Variants in STS observed in about 807,000 individuals in gnomAD.
The protein encoded by STS is steroid sulfatase.
STS carries 7 observed loss-of-function variants against 26.8 expected under a neutral mutation model. The ratio of observed to expected loss-of-function variants is 0.26; its 90% CI spans 0.15 to 0.49. The LOEUF is 0.49. Ranked by LOEUF, STS falls within the 20% of genes least tolerant of loss-of-function variation. The pLI, the probability that STS is intolerant of heterozygous loss-of-function variation, is 0.98. For missense variants in STS, 434 were observed against 465.6 expected, an observed-to-expected ratio of 0.93 and a Z score of 0.63; for synonymous variants, 199 against 189.4, an observed-to-expected ratio of 1.05 and a Z score of -0.42.
intron 2 of STS, among the ~76,000 whole-genome samples, chrX:7,203,849 G>C (rs1934123424): frequency 9.0e-6 from 1 of 111,462 alleles, no homozygotes; most frequent in South Asian, 3.8e-4. Flanking sequence ...CGATGGCACA[G>C]TCATAGCTCA....
intron 10 of STS, among the ~76,000 whole-genome samples, chrX:7,337,389 C>T (rs1362507242): frequency 4.5e-5 from 5 of 111,614 alleles, no homozygotes; most frequent in East Asian, 5.7e-4. Flanking sequence ...TACAGGGATG[C>T]GTAAGGAAAA....
intron 9 of STS, among the ~76,000 whole-genome samples, chrX:7,333,066 A>G (rs1462789176): frequency 1.8e-5 from 2 of 112,149 alleles, no homozygotes; most frequent in Non-Finnish European, 3.8e-5. Flanking sequence ...ACTTACCAAA[A>G]TTGTACAGCC....
At chrX:7,304,343 GTTA>G (rs1224739124) in intron 7 of STS, among the ~76,000 whole-genome samples, 1 of 111,418 alleles carries the variant, frequency 9.0e-6, no homozygotes, top group East Asian at 2.8e-4. Context: ...AGCAATTATT[GTTA>G]TTATTATTGT....
intron 2 of STS, among the ~76,000 whole-genome samples, chrX:7,240,533 G>GTGTATATA (rs1373072915): frequency 5.8e-4 from 35 of 60,526 alleles, no homozygotes; most frequent in African/African-American, 2.1e-3. Context: ...GTGTGTGTGT[G>GTGTATATA]TATATATATA....
intron 2 of STS, among the ~76,000 whole-genome samples, chrX:7,236,397 T>C (rs1370674649): frequency 8.9e-6 from 1 of 112,338 alleles, no homozygotes; most frequent in African/African-American, 3.2e-5. Context: ...TTAGAAGTTA[T>C]GGTAATTTTA....
chrX:7,215,558 G>A (rs144452392), intron 2 of STS, among the ~76,000 whole-genome samples: 2,068 of 111,008 alleles, frequency 0.019, 19 homozygotes, highest in Middle Eastern at 0.069. Context: ...TGTTATCCCT[G>A]GAACCCCTCT....
intron 1 of STS, among the ~76,000 whole-genome samples, chrX:7,156,396 T>TAAACC: frequency 9.0e-6 from 1 of 111,081 alleles, no homozygotes; most frequent in South Asian, 3.8e-4. Flanking sequence ...GTTTGAGAGT[T>TAAACC]GTTTAATAGG....
At chrX:7,252,468 C>T (rs545883478) in intron 2 of STS, 5 of 148,956 alleles carry the variant, frequency 3.4e-5, no homozygotes, top group East Asian at 2.7e-4. Flanking sequence ...ACATAAGCTC[C>T]GGTTCTAAAT....
chrX:7,213,851 G>T (rs181825524), intron 2 of STS, among the ~76,000 whole-genome samples: 5 of 110,967 alleles, frequency 4.5e-5, no homozygotes, highest in African/African-American at 1.6e-4. Context: ...GGAGGTCAGG[G>T]AAGGAGGATC....
At chrX:7,182,601 G>A (rs1413065723) in intron 1 of STS, among the ~76,000 whole-genome samples, 5 of 111,127 alleles carry the variant, frequency 4.5e-5, no homozygotes, top group African/African-American at 1.6e-4. Flanking sequence ...CGCATGGATT[G>A]TATAAGGTCC....
intron 7 of STS, among the ~76,000 whole-genome samples, chrX:7,300,962 G>A (rs894416779): frequency 1.2e-4 from 13 of 111,299 alleles, no homozygotes; most frequent in Non-Finnish European, 2.3e-4. Context: ...AGGAGAAGCT[G>A]TAAGTAGGAT....
At chrX:7,204,701 T>A (rs948048251) in intron 2 of STS, among the ~76,000 whole-genome samples, 2 of 102,883 alleles carry the variant, frequency 1.9e-5, no homozygotes, top group Non-Finnish European at 4.0e-5. Context: ...TCTCTCTCCT[T>A]CTTTCATTCC....
At chrX:7,221,038 T>TA (rs751129647) in intron 2 of STS, among the ~76,000 whole-genome samples, 1 of 112,114 alleles carries the variant, frequency 8.9e-6, no homozygotes, top group South Asian at 3.7e-4. Context: ...TACACCAAAC[T>TA]AGTATTAACT....
At chrX:7,305,377 T>A (rs1381285630) in intron 8 of STS, among the ~76,000 whole-genome samples, 194 bp downstream of exon 8, 4 of 112,388 alleles carry the variant, frequency 3.6e-5, no homozygotes, top group African/African-American at 1.3e-4. Flanking sequence ...AGCCCACATC[T>A]TGTGTCAAGA....
chrX:7,350,122 C>T lies in STS; in HGVS notation c.1598C>T (p.Thr533Ile). ...KVMQEAADRHTQTLPEVPDQF... is the reference protein window; with the variant it reads ...KVMQEAADRHIQTLPEVPDQF... ...ATGCAGGAAGCTGCGGACAGACACA[C>T]CCAGACCCTGCCAGAGGTGCCCGAT... Residue 533 changes from threonine (T) to isoleucine (I), a missense_variant, in exon 11 of 11, where the codon ACC becomes ATC. Coordinates refer to ENST00000674429, the MANE Select transcript of STS (RefSeq NM_001320752.2). 1 of 1,212,169 alleles carries T rather than the reference C, an allele frequency of 8.2e-7. No homozygotes were observed. Among genetic ancestry groups the T allele is most frequent in the Non-Finnish European group, 1.1e-6 (1 of 895,509 alleles).
chrX:7,245,484 A>T (rs986941635), intron 2 of STS, among the ~76,000 whole-genome samples: 3 of 112,120 alleles, frequency 2.7e-5, no homozygotes, highest in Non-Finnish European at 5.6e-5. Context: ...TCTACAGTCT[A>T]ATTAGGAAGG....
intron 3 of STS, among the ~76,000 whole-genome samples, chrX:7,256,396 A>G (rs967655286): frequency 2.4e-4 from 27 of 111,610 alleles, no homozygotes; most frequent in African/African-American, 6.5e-5. Context: ...TCTTCACTGT[A>G]GTGTTTGTGC....
chrX:7,219,583 TG>T, intron 2 of STS: 1 of 1,209,875 alleles, frequency 8.3e-7, no homozygotes, highest in Non-Finnish European at 1.1e-6. Flanking sequence ...AAACTCCCAC[TG>T]GTGCAGAAAC....
chrX:7,150,402 T>TA (rs1932987764), intron 1 of STS, among the ~76,000 whole-genome samples: 1 of 110,366 alleles, frequency 9.1e-6, no homozygotes, highest in Non-Finnish European at 1.9e-5. Flanking sequence ...TTGTATTTTT[T>TA]AGTAGAGATG....
Sources: gnomAD v4.1 joint callset for allele counts (sites outside exome capture counted in the v4.1 genomes callset) on GRCh38, gnomAD v4.1.1 for gene constraint, MANE v1.5 for transcripts, NCBI Gene and HGNC (gene_info 2026-07-23, HGNC 2026-07-21) for gene names.